Variants in FYB1 observed in about 807,000 individuals in gnomAD.
FYB1 encodes the protein FYN binding protein 1, also known as FYN-binding protein 1.
Under a neutral mutation model 94.1 loss-of-function variants are expected in FYB1, and 41 were observed. That is an observed-to-expected ratio of 0.44 (90% CI 0.34 to 0.57). The LOEUF is 0.57. FYB1 is among the 20% of genes least tolerant of loss of function. The pLI is 0.02. For missense variants in FYB1, 1,050 were observed against 976.8 expected (o/e 1.07, Z -1.00); for synonymous variants, 367 against 353.2 (o/e 1.04, Z -0.44).
chr5:39,240,989 A>G (rs1677445), intron 1 of FYB1, among the ~76,000 whole-genome samples: 21,107 of 152,166 alleles, frequency 0.14, 3,847 homozygotes, highest in African/African-American at 0.4. Flanking sequence ...ATGCAGCCAT[A>G]AAAAAGAATG....
intron 1 of FYB1, among the ~76,000 whole-genome samples, chr5:39,237,235 G>A (rs914133932): frequency 6.6e-6 from 1 of 152,178 alleles, no homozygotes; most frequent in East Asian, 1.9e-4. Context: ...AAGATAAATC[G>A]AGTCGAAAGG....
chr5:39,269,109 G>T (rs1171364437), intron 1 of FYB1, among the ~76,000 whole-genome samples: 2 of 151,758 alleles, frequency 1.3e-5, no homozygotes, highest in Non-Finnish European at 2.9e-5. Flanking sequence ...GAGCGCAGTG[G>T]CGTGATCTCG....
At chr5:39,201,695 G>A (rs966519121) in intron 2 of FYB1, 131 bp downstream of exon 2, 2 of 809,304 alleles carry the variant, frequency 2.5e-6, no homozygotes, top group African/African-American at 3.5e-5. Context: ...ACAAGACAAA[G>A]AAAATTCATT....
chr5:39,176,055 C>T lies in FYB1; in HGVS notation c.1136-22451G>A, dbSNP rs190188651. On this transcript the variant is annotated intron_variant, in intron 2 of 18. Coordinates refer to ENST00000512982, the MANE Select transcript of FYB1 (RefSeq NM_001465.6). ...CTCCTCAAATACAGCCTCCCTTCTA[C>T]GGGAACTCATTCTAGTGCCCCACAG... Among the ~76,000 whole-genome samples, 116 of 151,058 alleles carry T rather than the reference C, an allele frequency of 7.7e-4. 1 individual carries two copies. The highest frequency in any genetic ancestry group is 4.2e-4 in the South Asian group (2 of 4,794).
intron 1 of FYB1, among the ~76,000 whole-genome samples, chr5:39,232,152 A>T (rs1750771264): frequency 6.6e-6 from 1 of 152,178 alleles, no homozygotes; most frequent in African/African-American, 2.4e-5. Context: ...TACCTGTTTC[A>T]GAACATGCAC....
At chr5:39,209,012 A>G (rs1271749140) in intron 1 of FYB1, 1 of 150,734 alleles carries the variant, frequency 6.6e-6, no homozygotes, top group Non-Finnish European at 1.5e-5. Flanking sequence ...CAAGCCCTCC[A>G]TCCCTTCTCA....
At chr5:39,171,380 G>A (rs1372417551) in intron 2 of FYB1, among the ~76,000 whole-genome samples, 2 of 152,010 alleles carry the variant, frequency 1.3e-5, no homozygotes, top group Non-Finnish European at 2.9e-5. Context: ...ATCAGGACTC[G>A]CAGCATCAGC....
intron 1 of FYB1, among the ~76,000 whole-genome samples, chr5:39,240,661 C>CA (rs1291407935): frequency 6.6e-6 from 1 of 152,056 alleles, no homozygotes; most frequent in Non-Finnish European, 1.5e-5. Flanking sequence ...ATTAAAAAGT[C>CA]AAAAAATAAC....
chr5:39,231,942 A>G (rs1036643955), intron 1 of FYB1, among the ~76,000 whole-genome samples: 1 of 152,162 alleles, frequency 6.6e-6, no homozygotes, highest in Non-Finnish European at 1.5e-5. Context: ...ATTTTTACAT[A>G]GTGAAGAGAC....
chr5:39,268,338 C>T (rs1217601264), intron 1 of FYB1, among the ~76,000 whole-genome samples: 1 of 151,566 alleles, frequency 6.6e-6, no homozygotes. Context: ...AATAATCCTC[C>T]TGCATCAGCC....
At chr5:39,125,951 A>G (rs1213863698) in intron 12 of FYB1, 47 bp downstream of exon 12, 5 of 1,570,492 alleles carry the variant, frequency 3.2e-6, no homozygotes, top group Middle Eastern at 1.7e-4. Flanking sequence ...GATTCAATAC[A>G]TATTAGTGTA....
chr5:39,107,401 A>C lies in FYB1; in HGVS notation c.*42T>G, dbSNP rs1185493117. ...ATGCCAATTAAAATCCAGACTTCAC[A>C]TTGGCACCTAATGAACACAGCAGAA... On this transcript the variant is annotated 3_prime_UTR_variant, in exon 19 of 19. Coordinates refer to ENST00000512982, the MANE Select transcript of FYB1 (RefSeq NM_001465.6). The C allele has an allele frequency of 7.0e-7, 1 of 1,435,610 alleles. No individual in the cohort carries two copies. Among genetic ancestry groups the C allele is most frequent in the Non-Finnish European group, 9.3e-7 (1 of 1,074,686 alleles). 88.9% of individuals were successfully genotyped at this position (1,435,610 alleles called of 1,614,324 possible).
chr5:39,117,470 G>A (rs1393036637), intron 16 of FYB1, among the ~76,000 whole-genome samples: 2 of 152,168 alleles, frequency 1.3e-5, no homozygotes, highest in East Asian at 1.9e-4. Flanking sequence ...CTGAATGGGG[G>A]TTTTCTTTGT....
At chr5:39,237,537 A>G (rs909944382) in intron 1 of FYB1, among the ~76,000 whole-genome samples, 4 of 152,088 alleles carry the variant, frequency 2.6e-5, no homozygotes, top group Non-Finnish European at 5.9e-5. Context: ...AGATATCATC[A>G]TTTCTTGCAT....
chr5:39,234,695 T>C (rs539730645), intron 1 of FYB1, among the ~76,000 whole-genome samples: 3 of 152,162 alleles, frequency 2.0e-5, no homozygotes, highest in Non-Finnish European at 2.9e-5. Flanking sequence ...ATATACACCA[T>C]GGAATACTAT....
chr5:39,179,118 A>G (rs1745989071), intron 2 of FYB1, among the ~76,000 whole-genome samples: 1 of 152,196 alleles, frequency 6.6e-6, no homozygotes. Context: ...TGAGAGCTCT[A>G]CTTATGAAAA....
At chr5:39,180,009 C>T (rs912289975) in intron 2 of FYB1, among the ~76,000 whole-genome samples, 7 of 152,170 alleles carry the variant, frequency 4.6e-5, no homozygotes, top group Non-Finnish European at 8.8e-5. Flanking sequence ...TACCTTGGCA[C>T]TTAACATGTG....
At chr5:39,271,847 T>C (rs1752673219) in intron 1 of FYB1, among the ~76,000 whole-genome samples, 1 of 152,042 alleles carries the variant, frequency 6.6e-6, no homozygotes, top group South Asian at 2.1e-4. Context: ...TTACACATAA[T>C]ACATGCTTAA....
intron 10 of FYB1, among the ~76,000 whole-genome samples, chr5:39,130,153 T>C (rs1034103532): frequency 1.3e-5 from 2 of 152,016 alleles, no homozygotes; most frequent in African/African-American, 4.8e-5. Flanking sequence ...AAGCCAGATA[T>C]AGAAAGACAA....
Sources: gnomAD v4.1 joint callset for allele counts (sites outside exome capture counted in the v4.1 genomes callset) on GRCh38, gnomAD v4.1.1 for gene constraint, MANE v1.5 for transcripts, NCBI Gene and HGNC (gene_info 2026-07-23, HGNC 2026-07-21) for gene names.